TMEM132D: variants seen among roughly 807,000 people sequenced by gnomAD.
The protein encoded by TMEM132D is mature OL transmembrane protein.
A neutral mutation model predicts 62.3 loss-of-function variants in TMEM132D; 21 were observed. That is an observed-to-expected ratio of 0.34 (90% CI 0.24 to 0.49). The LOEUF (loss-of-function observed/expected upper bound fraction) is 0.49. Ranked by LOEUF, TMEM132D falls within the 20% of genes least tolerant of loss-of-function variation. The probability of loss-of-function intolerance (pLI) is 0.99; values close to 1 mark genes in which losing one functional copy is unlikely to be tolerated. For missense variants in TMEM132D, 1,346 were observed against 1,402.8 expected (o/e 0.96, Z 0.65); for synonymous variants, 621 against 575.6 (o/e 1.08, Z -1.13).
At chr12:129,109,360 G>C (rs1875607324) in intron 5 of TMEM132D, among the ~76,000 whole-genome samples, 1 of 152,176 alleles carries the variant, frequency 6.6e-6, no homozygotes, top group Non-Finnish European at 1.5e-5. Flanking sequence ...CTGCAAAATG[G>C]GGATGGTGAT....
chr12:129,875,970 T>G (rs1302936100), intron 1 of TMEM132D, among the ~76,000 whole-genome samples: 1 of 152,180 alleles, frequency 6.6e-6, no homozygotes, highest in African/African-American at 2.4e-5. Flanking sequence ...TGTCCATCCA[T>G]CCAGCCATCC....
chr12:129,541,985 A>G (rs996759440), intron 2 of TMEM132D, among the ~76,000 whole-genome samples: 5 of 152,224 alleles, frequency 3.3e-5, no homozygotes, highest in African/African-American at 9.6e-5. Flanking sequence ...AAAACAAAAC[A>G]AAAAGAAACA....
intron 1 of TMEM132D, among the ~76,000 whole-genome samples, chr12:129,811,001 AAAAT>A (rs1872160039): frequency 6.6e-6 from 1 of 152,036 alleles, no homozygotes; most frequent in Non-Finnish European, 1.5e-5. Flanking sequence ...CAACACAACT[AAAAT>A]AAAAGCAAGA....
At chr12:129,584,497 G>C (rs576172530) in intron 2 of TMEM132D, among the ~76,000 whole-genome samples, 37 of 152,258 alleles carry the variant, frequency 2.4e-4, no homozygotes, top group African/African-American at 8.2e-4. Flanking sequence ...CCCTCCCTTT[G>C]ACTTTAGGCT....
At chr12:129,711,495 G>A (rs1301123001) in intron 1 of TMEM132D, among the ~76,000 whole-genome samples, 1 of 152,188 alleles carries the variant, frequency 6.6e-6, no homozygotes, top group Admixed American at 6.5e-5. Flanking sequence ...GGAGGCCATG[G>A]CGGGTGGATC....
chr12:129,412,681 C>G lies in TMEM132D; in HGVS notation c.1116-74864G>C, dbSNP rs551962461. On this transcript the variant is annotated intron_variant, in intron 3 of 8. Coordinates refer to ENST00000422113, the MANE Select transcript of TMEM132D (RefSeq NM_133448.3). ...ACCAGTCTGGTCAACATGGTGAAAC[C>G]CCATCTCTACTAAAATACAAAATTA... Among the ~76,000 whole-genome samples, 3 of 152,130 alleles carry G rather than the reference C, an allele frequency of 2.0e-5. No homozygotes were observed. The East Asian group carries it at 5.8e-4, about 29-fold the overall frequency.
intron 2 of TMEM132D, among the ~76,000 whole-genome samples, chr12:129,651,890 A>G (rs1879938307): frequency 6.6e-6 from 1 of 152,186 alleles, no homozygotes; most frequent in South Asian, 2.1e-4. Flanking sequence ...AAAAGACTTC[A>G]GTAAATCGCA....
intron 2 of TMEM132D, among the ~76,000 whole-genome samples, chr12:129,657,628 C>T (rs185538217): frequency 1.1e-4 from 16 of 152,314 alleles, no homozygotes; most frequent in African/African-American, 3.4e-4. Flanking sequence ...TAAAAATGTA[C>T]GGGTAAGTTA....
chr12:129,585,009 A>G lies in TMEM132D; in HGVS notation c.969-53804T>C, dbSNP rs77007615. ...TATGTGGCAGTTTCCTCGATTGCAA[A>G]ATGAAGAAAATACTAGTATCACTGA... On this transcript the variant is annotated intron_variant, in intron 2 of 8. Coordinates refer to ENST00000422113, the MANE Select transcript of TMEM132D (RefSeq NM_133448.3). Among the ~76,000 whole-genome samples the G allele has an allele frequency of 2.6e-3, 394 of 152,262 alleles. 4 individuals are homozygous for G. The highest frequency in any genetic ancestry group is 8.8e-3 in the African/African-American group (366 of 41,544).
intron 2 of TMEM132D, among the ~76,000 whole-genome samples, chr12:129,667,095 T>G (rs918790025): frequency 6.6e-6 from 1 of 152,178 alleles, no homozygotes; most frequent in Non-Finnish European, 1.5e-5. Flanking sequence ...AAAATCATAC[T>G]GATGTGGGGC....
chr12:129,814,545 A>G (rs1344333550), intron 1 of TMEM132D, among the ~76,000 whole-genome samples: 1 of 132,914 alleles, frequency 7.5e-6, no homozygotes, highest in Non-Finnish European at 1.5e-5. Flanking sequence ...CGGGAGACAG[A>G]GGTTGCAGTG....
intron 1 of TMEM132D, among the ~76,000 whole-genome samples, chr12:129,743,961 G>A (rs943849390): frequency 6.6e-6 from 1 of 151,940 alleles, no homozygotes; most frequent in African/African-American, 2.4e-5. Context: ...AAAAGCGTGT[G>A]CTGTTTCAAG....
chr12:129,666,191 G>C (rs935368745), intron 2 of TMEM132D, among the ~76,000 whole-genome samples: 1 of 152,142 alleles, frequency 6.6e-6, no homozygotes, highest in African/African-American at 2.4e-5. Flanking sequence ...CCCCAGAAAT[G>C]CATGCTTTCT....
intron 2 of TMEM132D, among the ~76,000 whole-genome samples, chr12:129,587,624 T>C (rs764741644): frequency 1.3e-5 from 2 of 152,192 alleles, no homozygotes; most frequent in Admixed American, 1.3e-4. Flanking sequence ...CTTATGCAGA[T>C]GCCTAGCTTT....
chr12:129,518,885 A>C (rs1248771437), intron 3 of TMEM132D, among the ~76,000 whole-genome samples: 1 of 152,178 alleles, frequency 6.6e-6, no homozygotes, highest in Non-Finnish European at 1.5e-5. Flanking sequence ...ATAAATCCTA[A>C]AATGTAGAAA....
At chr12:129,434,895 C>A (rs1232076205) in intron 3 of TMEM132D, among the ~76,000 whole-genome samples, 1 of 152,242 alleles carries the variant, frequency 6.6e-6, no homozygotes, top group Middle Eastern at 3.4e-3. Context: ...TACAGTGCTG[C>A]AGCACACCAG....
Position 129,335,127 on chromosome 12 carries a change from CTT to C in TMEM132D, c.1299+2505_1299+2506del, listed in dbSNP as rs386378228. Among the ~76,000 whole-genome samples, 1,028 of 104,606 alleles carry C rather than the reference CTT, an allele frequency of 9.8e-3. 3 individuals are homozygous for C. The highest frequency in any genetic ancestry group is 0.036 in the African/African-American group (973 of 26,856). 68.6% of individuals were successfully genotyped at this position (104,606 alleles called of 152,430 possible). A position where few individuals can be genotyped will look rare whatever the true frequency, so the allele number is the denominator to read the frequency against. On this transcript the variant is annotated intron_variant, in intron 4 of 8. Transcript: ENST00000422113. ...TATAGGCTGGGTACTCTAATAAGTA[CTT>C]TTTTTTTTTTTTTTTTTTTTGAGGC...
intron 1 of TMEM132D, among the ~76,000 whole-genome samples, chr12:129,873,664 T>A (rs1432883582): frequency 6.6e-6 from 1 of 152,178 alleles, no homozygotes; most frequent in Non-Finnish European, 1.5e-5. Flanking sequence ...AATGAGTGGG[T>A]CAACCACAAG....
chr12:129,392,126 C>T (rs1034880419), intron 3 of TMEM132D, among the ~76,000 whole-genome samples: 4 of 143,146 alleles, frequency 2.8e-5, no homozygotes, highest in Middle Eastern at 4.5e-3. Context: ...GGCACAATCT[C>T]GGCTCACCGC....
Sources: gnomAD v4.1 joint callset for allele counts (sites outside exome capture counted in the v4.1 genomes callset) on GRCh38, gnomAD v4.1.1 for gene constraint, MANE v1.5 for transcripts, NCBI Gene and HGNC (gene_info 2026-07-23, HGNC 2026-07-21) for gene names.